The following PCDH15 variants were observed in gnomAD, a reference collection of about 807,000 sequenced individuals.
PCDH15 encodes the protein protocadherin related 15, also known as protocadherin-15.
A neutral mutation model predicts 178.5 loss-of-function variants in PCDH15; 129 were observed. The ratio of observed to expected loss-of-function variants is 0.72; its 90% CI spans 0.63 to 0.84. The LOEUF (loss-of-function observed/expected upper bound fraction) is 0.84, where lower values mean the gene tolerates loss of function less well. Ranked by LOEUF, PCDH15 falls within the 40% of genes least tolerant of loss-of-function variation. PCDH15 has a pLI of 0.00. For synonymous variants in PCDH15, 800 were observed against 732.0 expected (o/e 1.09, Z -1.50); for missense variants, 2,230 against 2,099.9 (o/e 1.06, Z -1.21).
intron 1 of PCDH15, among the ~76,000 whole-genome samples, chr10:54,778,701 G>T (rs1949962431): frequency 1.3e-5 from 2 of 152,062 alleles, no homozygotes; most frequent in African/African-American, 4.8e-5. Context: ...AATTCTAAAA[G>T]AGTTTCTCTT....
At chr10:55,297,462 C>T (rs1292139372) in intron 1 of PCDH15, among the ~76,000 whole-genome samples, 1 of 151,910 alleles carries the variant, frequency 6.6e-6, no homozygotes, top group Non-Finnish European at 1.5e-5. Context: ...AATTTAAGTC[C>T]ATCTCTTTCA....
chr10:54,016,957 C>A (rs140527551), intron 20 of PCDH15, among the ~76,000 whole-genome samples: 1 of 152,072 alleles, frequency 6.6e-6, no homozygotes, highest in Non-Finnish European at 1.5e-5. Context: ...ATTCCCTAAA[C>A]CTTTTGAATT....
chr10:55,333,672 A>G (rs950099599), intron 2 of PCDH15, among the ~76,000 whole-genome samples: 1 of 152,080 alleles, frequency 6.6e-6, no homozygotes, highest in Non-Finnish European at 1.5e-5. Flanking sequence ...TATGTAGGTA[A>G]GCAGAAAACA....
intron 1 of PCDH15, among the ~76,000 whole-genome samples, chr10:54,675,255 GTTTTCCAT>G (rs1460975046): frequency 6.6e-6 from 1 of 151,732 alleles, no homozygotes; most frequent in African/African-American, 2.4e-5. Flanking sequence ...TCTAATGATT[GTTTTCCAT>G]TTTTCCATAC....
In PCDH15 at chr10:54,179,482, T is replaced by A. The variant is rs1036486678; in HGVS notation, c.1590+3962A>T. The stretch of plus-strand genomic sequence containing the variant: ...ATACCTAATGCTAAATGACGAGTTA[T>A]TGGGTGCAGCACACCAGCATGGCAC... On this transcript the variant is annotated intron_variant, in intron 13 of 37. Coordinates refer to ENST00000644397, the MANE Select transcript of PCDH15 (RefSeq NM_001384140.1). 2.6e-5 allele frequency among the ~76,000 whole-genome samples: 4 copies of A among 151,538 alleles called. No homozygotes were observed. In the South Asian group the frequency reaches 8.4e-4, roughly 32 times the overall value.
At chr10:55,501,206 G>T (rs1362379825) in intron 2 of PCDH15, among the ~76,000 whole-genome samples, 1 of 151,690 alleles carries the variant, frequency 6.6e-6, no homozygotes, top group Non-Finnish European at 1.5e-5. Context: ...CACTCCTGGG[G>T]TACCTGAAGC....
At chr10:54,584,391 G>T (rs903703142) in intron 2 of PCDH15, among the ~76,000 whole-genome samples, 2 of 152,040 alleles carry the variant, frequency 1.3e-5, no homozygotes, top group African/African-American at 4.8e-5. Context: ...GACAGAGCAA[G>T]ACCCTGACTT....
At chr10:55,006,676 C>T (rs1044283161) in intron 2 of PCDH15, among the ~76,000 whole-genome samples, 2 of 152,172 alleles carry the variant, frequency 1.3e-5, no homozygotes, top group African/African-American at 4.8e-5. Context: ...TGCAAAGCCG[C>T]AGGCTGGGCA....
intron 2 of PCDH15, among the ~76,000 whole-genome samples, chr10:55,467,532 A>T (rs1162930348): frequency 6.6e-6 from 1 of 152,164 alleles, no homozygotes; most frequent in African/African-American, 2.4e-5. Context: ...GATGGATGTT[A>T]GCCATATTTT....
intron 23 of PCDH15, among the ~76,000 whole-genome samples, chr10:53,946,487 T>C (rs1010436745): frequency 1.3e-5 from 2 of 152,220 alleles, no homozygotes; most frequent in African/African-American, 4.8e-5. Flanking sequence ...TCATACAGTA[T>C]GTAGTTTTTT....
At chr10:55,294,151 C>T (rs946021492) in intron 1 of PCDH15, among the ~76,000 whole-genome samples, 2 of 152,112 alleles carry the variant, frequency 1.3e-5, no homozygotes, top group African/African-American at 4.8e-5. Context: ...TGCTGGGAAA[C>T]TCCCCCTTAT....
intron 2 of PCDH15, among the ~76,000 whole-genome samples, chr10:54,547,714 T>A (rs559451946): frequency 6.6e-6 from 1 of 152,288 alleles, no homozygotes; most frequent in African/African-American, 2.4e-5. Flanking sequence ...TTTTTATTTG[T>A]ATTATGAACA....
At chr10:54,775,225 T>G (rs1399360810) in intron 1 of PCDH15, among the ~76,000 whole-genome samples, 1 of 152,324 alleles carries the variant, frequency 6.6e-6, no homozygotes, top group Admixed American at 6.5e-5. Context: ...GACATAATTT[T>G]ATTTACTATT....
chr10:53,958,288 A>G (rs2087839593), intron 23 of PCDH15, among the ~76,000 whole-genome samples: 1 of 152,166 alleles, frequency 6.6e-6, no homozygotes, highest in Admixed American at 6.5e-5. Context: ...CTGGAATTTA[A>G]TGTAGACTCC....
chr10:54,929,743 G>T (rs1837722006), intron 2 of PCDH15, among the ~76,000 whole-genome samples: 2 of 152,124 alleles, frequency 1.3e-5, no homozygotes, highest in South Asian at 4.1e-4. Context: ...TAGAAAATGT[G>T]TTGTCAGTGA....
chr10:54,756,097 A>ACACACTCACACAC (rs1555182911), intron 1 of PCDH15, among the ~76,000 whole-genome samples: 2 of 144,512 alleles, frequency 1.4e-5, no homozygotes, highest in South Asian at 2.2e-4. Flanking sequence ...ACACACACAC[A>ACACACTCACACAC]AAATTAGCTG....
Position 53,804,184 on chromosome 10 carries a change from A to G in PCDH15, c.*2395T>C, listed in dbSNP as rs886807193. 6.6e-6 allele frequency: 1 copy of G among 151,964 alleles called. No individual in the cohort carries two copies. The highest frequency in any genetic ancestry group is 6.6e-5 in the Admixed American group (1 of 15,224). The allele number at this position is 151,964 out of a possible 1,614,324, so 9.4% of individuals were successfully genotyped here. A position where few individuals can be genotyped will look rare whatever the true frequency, so the allele number is the denominator to read the frequency against. ...TTCTGCTTCTCTTTATACTATCTCC[A>G]TTAAGTAACAGATGATTGACCTCAT... On this transcript the variant is annotated 3_prime_UTR_variant, in exon 38 of 38. Coordinates refer to ENST00000644397, the MANE Select transcript of PCDH15 (RefSeq NM_001384140.1).
chr10:54,686,664 T>G (rs2095017194), intron 1 of PCDH15, among the ~76,000 whole-genome samples: 2 of 152,268 alleles, frequency 1.3e-5, no homozygotes, highest in South Asian at 2.1e-4. Flanking sequence ...GTTGATTAGG[T>G]CATTGTGACT....
chr10:54,253,037 C>T (rs12262860), intron 8 of PCDH15, among the ~76,000 whole-genome samples: 10,357 of 151,860 alleles, frequency 0.068, 693 homozygotes, highest in African/African-American at 0.17. Flanking sequence ...AAAATAATTA[C>T]AACATGTTAT....
Sources: gnomAD v4.1 joint callset for allele counts (sites outside exome capture counted in the v4.1 genomes callset) on GRCh38, gnomAD v4.1.1 for gene constraint, MANE v1.5 for transcripts, NCBI Gene and HGNC (gene_info 2026-07-23, HGNC 2026-07-21) for gene names.